Variants in BBX observed in about 807,000 individuals in gnomAD.
The protein encoded by BBX is HMG box transcription factor BBX.
In BBX, 30 loss-of-function variants were observed where a neutral mutation model predicts 100.2. That is an observed-to-expected ratio of 0.30 (90% CI 0.22 to 0.41). The LOEUF (loss-of-function observed/expected upper bound fraction) is 0.41. Among genes scored for constraint, BBX ranks in the 10% least tolerant of loss-of-function variants. BBX has a pLI of 1.00. For missense variants in BBX, 1,023 were observed against 1,129.8 expected (o/e 0.91, Z 1.35); for synonymous variants, 376 against 388.1 (o/e 0.97, Z 0.37).
chr3:107,801,224 C>T lies in BBX; in HGVS notation c.2681C>T (p.Ser894Phe). The T allele has an allele frequency of 6.2e-7, 1 of 1,614,220 alleles. No individual in the cohort carries two copies. The highest frequency in any genetic ancestry group is 8.5e-7 in the Non-Finnish European group (1 of 1,180,028). ...RSSTPEMPAV[S>F]AFFSLAALAE... ...AGTACTCCAGAAATGCCTGCCGTGT[C>T]TGCGTTCTTTAGCCTCGCTGCGCTG... Residue 894 changes from serine (S) to phenylalanine (F), a missense_variant, in exon 17 of 18, where the codon TCT (serine) becomes TTT (phenylalanine). Around this residue, in one of 9 missense-constraint regions of BBX, gnomAD observed 104 missense variants for 132.2 expected, o/e 0.79. Coordinates refer to ENST00000325805, the MANE Select transcript of BBX (RefSeq NM_001142568.3).
intron 2 of BBX, among the ~76,000 whole-genome samples, chr3:107,642,695 G>A (rs2057289614): frequency 6.6e-6 from 1 of 152,120 alleles, no homozygotes; most frequent in African/African-American, 2.4e-5. Context: ...CAGAGGATGA[G>A]GAAAAAATCC....
At chr3:107,794,153 T>G (rs1289668652) in intron 15 of BBX, among the ~76,000 whole-genome samples, 1 of 152,160 alleles carries the variant, frequency 6.6e-6, no homozygotes, top group African/African-American at 2.4e-5. Flanking sequence ...ATAATGATGA[T>G]GATAACTAAT....
chr3:107,693,888 T>C (rs1468546988), intron 3 of BBX, among the ~76,000 whole-genome samples: 1 of 150,644 alleles, frequency 6.6e-6, no homozygotes, highest in South Asian at 2.1e-4. Context: ...CAGTGGTTTG[T>C]AGTTCTCCTT....
intron 3 of BBX, among the ~76,000 whole-genome samples, chr3:107,699,907 A>G (rs1211812200): frequency 6.6e-6 from 1 of 151,976 alleles, no homozygotes; most frequent in Non-Finnish European, 1.5e-5. Context: ...ACAATTTGTA[A>G]GTTCTTTCTA....
chr3:107,709,578 A>T (rs2061593654), intron 3 of BBX, among the ~76,000 whole-genome samples: 1 of 152,220 alleles, frequency 6.6e-6, no homozygotes, highest in South Asian at 2.1e-4. Flanking sequence ...CCATGACAGT[A>T]ATTTCTATTT....
chr3:107,622,442 C>G (rs1231733001), intron 2 of BBX, among the ~76,000 whole-genome samples: 2 of 152,116 alleles, frequency 1.3e-5, no homozygotes, highest in African/African-American at 4.8e-5. Context: ...AGGGTTAATA[C>G]CTAGGAGTGG....
intron 10 of BBX, among the ~76,000 whole-genome samples, chr3:107,758,350 C>T (rs537034969): frequency 3.3e-5 from 5 of 152,184 alleles, no homozygotes; most frequent in East Asian, 1.9e-4. Context: ...CGGAATGGCC[C>T]GCTGTACTTT....
intron 6 of BBX, among the ~76,000 whole-genome samples, chr3:107,731,687 T>C (rs903643466): frequency 6.6e-6 from 1 of 151,944 alleles, no homozygotes; most frequent in Non-Finnish European, 1.5e-5. Context: ...CCCTTTTTTT[T>C]ACTACCTCAG....
At chr3:107,699,502 A>G (rs2060894550) in intron 3 of BBX, among the ~76,000 whole-genome samples, 1 of 151,934 alleles carries the variant, frequency 6.6e-6, no homozygotes, top group South Asian at 2.1e-4. Flanking sequence ...CCTTTAGGAG[A>G]AGGACATGAG....
intron 2 of BBX, among the ~76,000 whole-genome samples, chr3:107,627,630 A>G (rs1270403229): frequency 2.6e-5 from 4 of 152,152 alleles, no homozygotes; most frequent in African/African-American, 4.8e-5. Flanking sequence ...ATTGAATATC[A>G]TTTAAACTTT....
intron 2 of BBX, among the ~76,000 whole-genome samples, chr3:107,583,975 ATTATATTAT>A (rs1411910435): frequency 2.1e-4 from 15 of 69,854 alleles, no homozygotes; most frequent in African/African-American, 9.8e-4. Flanking sequence ...TATATATATT[ATTATATTAT>A]TATATATTAT....
rs957724572 is a variant in BBX, at chr3:107,747,979, G to T, written c.765G>T (p.Thr255=). ...TTTCCTTTCAGATATCTTCAAGTAC[G>T]TCCCACTCTGATGCTTCTACAAAGC... ...LFQFAEISSS[T]SHSDASTKQC... The change falls in exon 9 of 18, where the codon ACG becomes ACT. Residue 255 remains threonine, a synonymous_variant. Coordinates refer to ENST00000325805, the MANE Select transcript of BBX (RefSeq NM_001142568.3). 2 of 1,612,756 alleles carry T rather than the reference G, an allele frequency of 1.2e-6. No individual in the cohort carries two copies. The highest frequency in any genetic ancestry group is 3.3e-5 in the Admixed American group (2 of 59,930).
chr3:107,791,937 G>A (rs548045674), intron 15 of BBX, among the ~76,000 whole-genome samples: 7 of 152,198 alleles, frequency 4.6e-5, no homozygotes, highest in Non-Finnish European at 8.8e-5. Context: ...GGAGGCGGAA[G>A]TTTCAGTGAG....
intron 13 of BBX, among the ~76,000 whole-genome samples, chr3:107,785,558 A>G (rs1453619913): frequency 6.6e-6 from 1 of 152,060 alleles, no homozygotes; most frequent in Non-Finnish European, 1.5e-5. Flanking sequence ...ATACCCTACT[A>G]ATAGAATACA....
chr3:107,675,614 T>C (rs1382012389), intron 3 of BBX, among the ~76,000 whole-genome samples: 1 of 152,066 alleles, frequency 6.6e-6, no homozygotes, highest in Non-Finnish European at 1.5e-5. Context: ...CTCATGGACC[T>C]TTTAGATCAA....
intron 3 of BBX, among the ~76,000 whole-genome samples, chr3:107,652,177 T>G (rs758765488): frequency 4.1e-5 from 4 of 96,836 alleles, no homozygotes; most frequent in Non-Finnish European, 6.2e-5. Context: ...GATATTGATA[T>G]AGGCTCAAAT....
At chr3:107,524,614 A>AGGGGG (rs35467685) in intron 1 of BBX, 1 of 53,914 alleles carries the variant, frequency 1.9e-5, no homozygotes, top group Non-Finnish European at 3.4e-5. Flanking sequence ...TGTACGACAG[A>AGGGGG]GGGGGGGGGG....
intron 3 of BBX, among the ~76,000 whole-genome samples, chr3:107,680,871 G>A (rs2059536703): frequency 6.6e-6 from 1 of 152,152 alleles, no homozygotes; most frequent in African/African-American, 2.4e-5. Flanking sequence ...TGCACTTCAT[G>A]TTTTAGAAAT....
At chr3:107,600,372 G>A (rs148767358) in intron 2 of BBX, among the ~76,000 whole-genome samples, 1 of 152,308 alleles carries the variant, frequency 6.6e-6, no homozygotes, top group East Asian at 1.9e-4. Context: ...TATCATGTGC[G>A]TTAGATGAGC....
Sources: gnomAD v4.1 joint callset for allele counts (sites outside exome capture counted in the v4.1 genomes callset) on GRCh38, gnomAD v4.1.1 for gene constraint, gnomAD v4.1.1 regional missense constraint, MANE v1.5 for transcripts, NCBI Gene and HGNC (gene_info 2026-07-23, HGNC 2026-07-21) for gene names.